CCDC170: variants seen among roughly 807,000 people sequenced by gnomAD.
The protein encoded by CCDC170 is coiled-coil domain-containing protein 170.
Under a neutral mutation model 72.6 loss-of-function variants are expected in CCDC170, and 69 were observed. The ratio of observed to expected loss-of-function variants is 0.95; its 90% CI spans 0.78 to 1.16. CCDC170 has a LOEUF of 1.16. Ranked by LOEUF, CCDC170 falls within the 50% of genes most tolerant of loss-of-function variation. The probability of loss-of-function intolerance (pLI) is 0.00; values close to 1 mark genes in which losing one functional copy is unlikely to be tolerated. For synonymous variants in CCDC170, 300 were observed against 303.9 expected (o/e 0.99, Z 0.13); for missense variants, 852 against 832.5 (o/e 1.02, Z -0.29).
In CCDC170 at chr6:151,596,193, A is replaced by G; in HGVS notation, c.1468-142A>G. ...GGTATGAGTAAAAAATGCAATCAGG[A>G]AAAGGAATCCAATGACTTTTTTGAT... On this transcript the variant is annotated intron_variant, in intron 8 of 10. Coordinates refer to ENST00000239374, the MANE Select transcript of CCDC170 (RefSeq NM_025059.4). The G allele has an allele frequency of 6.7e-6, 7 of 1,043,000 alleles. No individual in the cohort carries two copies. In the South Asian group the frequency reaches 1.1e-4, roughly 17 times the overall value. The allele number at this position is 1,043,000 out of a possible 1,614,324, so 64.6% of individuals were successfully genotyped here. A position where few individuals can be genotyped will look rare whatever the true frequency, so the allele number is the denominator to read the frequency against.
intron 5 of CCDC170, among the ~76,000 whole-genome samples, chr6:151,554,880 T>TG (rs1782949014): frequency 7.1e-6 from 1 of 140,854 alleles, no homozygotes; most frequent in African/African-American, 2.7e-5. Context: ...CAGTTTTTTT[T>TG]TTTTTTTTTT....
In CCDC170 at chr6:151,576,277, C is replaced by T. The variant is rs562460920; in HGVS notation, c.1092+2786C>T. Among the ~76,000 whole-genome samples the T allele has an allele frequency of 2.2e-4, 34 of 152,226 alleles. No individual in the cohort carries two copies. In the South Asian group the frequency reaches 3.9e-3, roughly 18 times the overall value. The stretch of plus-strand genomic sequence containing the variant: ...CTGAGCACTTTTAAGGTAGGGTAGG[C>T]GAAGCCATGATATTCGGTAGGTTAG... On this transcript the variant is annotated intron_variant, in intron 6 of 10. Transcript: ENST00000239374.
intron 1 of CCDC170, among the ~76,000 whole-genome samples, chr6:151,528,030 A>G (rs1480859278): frequency 6.6e-6 from 1 of 152,182 alleles, no homozygotes; most frequent in Non-Finnish European, 1.5e-5. Context: ...GCTTTATGCC[A>G]TTGAGCTTTG....
At chr6:151,579,195 A>G (rs1484605939) in intron 6 of CCDC170, among the ~76,000 whole-genome samples, 1 of 152,240 alleles carries the variant, frequency 6.6e-6, no homozygotes, top group Non-Finnish European at 1.5e-5. Context: ...GAAAAAGAAA[A>G]GAAAAGAAAG....
chr6:151,506,296 T>C (rs1177626914), intron 1 of CCDC170, among the ~76,000 whole-genome samples: 1 of 152,212 alleles, frequency 6.6e-6, no homozygotes, highest in Non-Finnish European at 1.5e-5. Flanking sequence ...TGCCAAGAAA[T>C]GATTATAGTT....
At chr6:151,590,461 G>A (rs183629469) in intron 7 of CCDC170, among the ~76,000 whole-genome samples, 49 of 152,264 alleles carry the variant, frequency 3.2e-4, no homozygotes, top group African/African-American at 9.1e-4. Flanking sequence ...TCTGTCCGTC[G>A]TGAATTTTCC....
In CCDC170 at chr6:151,548,909, T is replaced by TG. The variant is rs549141480; in HGVS notation, c.774+420_774+421insG. Among the ~76,000 whole-genome samples the TG allele has an allele frequency of 2.0e-3, 292 of 148,662 alleles. 1 individual carries two copies. The highest frequency in any genetic ancestry group is 4.8e-3 in the African/African-American group (197 of 40,752). ...TAGTTTTTTTGTTTGTTTGTTTGTT[T>TG]TTTTTGTTTTGGACGGAGTCTCACT... On this transcript the variant is annotated intron_variant, in intron 5 of 10. Transcript: ENST00000239374.
intron 1 of CCDC170, among the ~76,000 whole-genome samples, chr6:151,522,121 T>C (rs1049135488): frequency 1.7e-4 from 26 of 151,288 alleles, no homozygotes; most frequent in Admixed American, 1.4e-3. Flanking sequence ...GATTGTGCCA[T>C]TGCACTCCAG....
rs781096492 is a variant in CCDC170 at position 151,536,397 on chromosome 6, G to T, written c.137G>T (p.Arg46Leu). Reference sequence around the variant, plus strand: ...TATCGGAATGTGGCTCAAAATGCTCGAAGTGAACTTGCAGCAACTTTGGTC... The same window carrying T: ...TATCGGAATGTGGCTCAAAATGCTCTAAGTGAACTTGCAGCAACTTTGGTC... ...NHYRNVAQNA[R>L]SELAATLVKF... Residue 46 changes from arginine to leucine, a missense_variant, in exon 2 of 11, where the codon CGA becomes CTA. Arg to Leu is a moderately radical substitution (Grantham distance 102). Transcript: ENST00000239374. The T allele has an allele frequency of 6.2e-7, 1 of 1,614,002 alleles. No individual in the cohort carries two copies. The highest frequency in any genetic ancestry group is 1.7e-5 in the Admixed American group (1 of 59,998).
chr6:151,610,518 C>T (rs1486898669), intron 9 of CCDC170, among the ~76,000 whole-genome samples: 1 of 152,176 alleles, frequency 6.6e-6, no homozygotes, highest in Non-Finnish European at 1.5e-5. Flanking sequence ...AAGTAGCAAA[C>T]ATCATGACAC....
intron 9 of CCDC170, among the ~76,000 whole-genome samples, chr6:151,614,516 G>A (rs145647131): frequency 0.031 from 4,704 of 151,832 alleles, 102 homozygotes; most frequent in African/African-American, 0.06. Context: ...GTGCAATGGC[G>A]CAATCTTGAC....
chr6:151,575,800 T>C (rs1776293988), intron 6 of CCDC170, among the ~76,000 whole-genome samples: 1 of 152,028 alleles, frequency 6.6e-6, no homozygotes, highest in African/African-American at 2.4e-5. Flanking sequence ...AGTGCTGGGA[T>C]TATAGGCGTG....
At chr6:151,595,126 A>AGATAATTAGGGCAGGG (rs1175236347) in intron 8 of CCDC170, among the ~76,000 whole-genome samples, 3 of 152,200 alleles carry the variant, frequency 2.0e-5, no homozygotes, top group Non-Finnish European at 2.9e-5. Flanking sequence ...AGTGCAGAGT[A>AGATAATTAGGGCAGGG]GATAATTAGG....
intron 6 of CCDC170, among the ~76,000 whole-genome samples, chr6:151,581,342 T>C (rs902094549): frequency 1.3e-5 from 2 of 152,232 alleles, no homozygotes; most frequent in Admixed American, 1.3e-4. Flanking sequence ...TCAACAATGT[T>C]CAAGCATCTT....
intron 1 of CCDC170, among the ~76,000 whole-genome samples, chr6:151,520,129 TACAA>T (rs991957471): frequency 1.3e-5 from 2 of 152,226 alleles, no homozygotes; most frequent in African/African-American, 4.8e-5. Context: ...CACTTAATTC[TACAA>T]ATAAGTATTG....
At chr6:151,572,649 GTTTTT>G (rs1213267537) in intron 5 of CCDC170, among the ~76,000 whole-genome samples, 18 of 37,982 alleles carry the variant, frequency 4.7e-4, no homozygotes, top group African/African-American at 1.8e-3. Context: ...CCTTCTCTGT[GTTTTT>G]TTTTTTTTTT....
intron 4 of CCDC170, among the ~76,000 whole-genome samples, chr6:151,548,061 C>T (rs566487132): frequency 5.3e-5 from 8 of 152,266 alleles, no homozygotes; most frequent in South Asian, 2.1e-4. Flanking sequence ...ATGTGTGTTC[C>T]GTCGGGACAC....
Position 151,548,293 on chromosome 6 carries a change from T to C in CCDC170, c.589-11T>C, listed in dbSNP as rs1782809606. 6.5e-7 allele frequency: 1 copy of C among 1,533,580 alleles called. No homozygotes were observed. Among genetic ancestry groups the C allele is most frequent in the African/African-American group, 1.4e-5 (1 of 72,404 alleles). The allele number at this position is 1,533,580 out of a possible 1,614,324, so 95.0% of individuals were successfully genotyped here. ...ATTTTTATAGGACAGCTGTAATTGC[T>C]TTCTCTTCAGCTTAGAGACCTGCGC... On this transcript the variant is annotated splice_polypyrimidine_tract_variant and intron_variant, in intron 4 of 10. Transcript: ENST00000239374.
chr6:151,584,320 T>A (rs1466819873), intron 6 of CCDC170, among the ~76,000 whole-genome samples: 1 of 152,220 alleles, frequency 6.6e-6, no homozygotes, highest in African/African-American at 2.4e-5. Context: ...ATTTTGATTA[T>A]TTATTATTTT....
Sources: gnomAD v4.1 joint callset for allele counts (sites outside exome capture counted in the v4.1 genomes callset) on GRCh38, gnomAD v4.1.1 for gene constraint, MANE v1.5 for transcripts, NCBI Gene and HGNC (gene_info 2026-07-23, HGNC 2026-07-21) for gene names.